Variants in RBFOX2 observed in about 807,000 individuals in gnomAD.
RBFOX2 encodes RNA binding protein fox-1 homolog 2.
A neutral mutation model predicts 49.1 loss-of-function variants in RBFOX2; 10 were observed. That is an observed-to-expected ratio of 0.20 (90% CI 0.13 to 0.35). The LOEUF (loss-of-function observed/expected upper bound fraction) is 0.35, where lower values mean the gene tolerates loss of function less well. Ranked by LOEUF, RBFOX2 falls within the 10% of genes least tolerant of loss-of-function variation. The pLI is 1.00. For missense variants in RBFOX2, 323 were observed against 486.9 expected (o/e 0.66, Z 3.17); for synonymous variants, 183 against 187.4 (o/e 0.98, Z 0.19).
At chr22:35,831,062 G>A (rs921260024) in intron 1 of RBFOX2, among the ~76,000 whole-genome samples, 1 of 152,158 alleles carries the variant, frequency 6.6e-6, no homozygotes, top group African/African-American at 2.4e-5. Flanking sequence ...CTCTGAGTCA[G>A]GGATCAGCAA....
chr22:35,966,970 G>A (rs1414746418), intron 1 of RBFOX2, among the ~76,000 whole-genome samples: 1 of 150,388 alleles, frequency 6.6e-6, no homozygotes, highest in East Asian at 2.0e-4. Flanking sequence ...ATGGCATTAT[G>A]CGCAGTCAAC....
intron 1 of RBFOX2, among the ~76,000 whole-genome samples, chr22:35,957,635 T>C (rs985951591): frequency 2.6e-5 from 4 of 152,346 alleles, no homozygotes; most frequent in African/African-American, 9.6e-5. Context: ...TGATTGATAA[T>C]GGAAACTCAG....
rs117947631 is a variant in RBFOX2, at chr22:36,010,130, G to A, written c.186+18110C>T. 3.4e-3 allele frequency among the ~76,000 whole-genome samples: 522 copies of A among 152,172 alleles called. 4 individuals carry two copies. Among genetic ancestry groups the A allele is most frequent in the Admixed American group, 6.3e-3 (97 of 15,282 alleles). On this transcript the variant is annotated intron_variant, in intron 1 of 13. Coordinates refer to the RBFOX2 transcript ENST00000438146. ...CTGAGACCCACATCATTCCTGCTGG[G>A]TAGAATGCAGGCAGTATAGTTCCCA...
At chr22:36,005,086 C>T (rs553144694) in intron 1 of RBFOX2, among the ~76,000 whole-genome samples, 22 of 152,216 alleles carry the variant, frequency 1.4e-4, no homozygotes, top group African/African-American at 4.8e-4. Context: ...AGGAAGAAAA[C>T]GCATCCTGGC....
At chr22:35,924,634 T>C (rs865907343) in intron 1 of RBFOX2, among the ~76,000 whole-genome samples, 1 of 152,216 alleles carries the variant, frequency 6.6e-6, no homozygotes, top group African/African-American at 2.4e-5. Context: ...AGTTTTGCTT[T>C]TTCCCCCACT....
intron 2 of RBFOX2, among the ~76,000 whole-genome samples, chr22:35,786,312 A>C (rs1946376620): frequency 6.6e-6 from 1 of 152,232 alleles, no homozygotes; most frequent in Admixed American, 6.5e-5. Flanking sequence ...CTTGTTTTTA[A>C]GTATGAAATC....
intron 1 of RBFOX2, among the ~76,000 whole-genome samples, chr22:35,986,553 A>G (rs2057732923): frequency 1.3e-5 from 2 of 152,232 alleles, no homozygotes; most frequent in African/African-American, 4.8e-5. Context: ...ACTTGAAAGC[A>G]GACAATGTTT....
chr22:35,745,817 TG>T, intron 11 of RBFOX2, 105 bp downstream of exon 13: 1 of 1,132,484 alleles, frequency 8.8e-7, no homozygotes, highest in Non-Finnish European at 1.3e-6. Flanking sequence ...AATACCTTGA[TG>T]GTGGATGAAA....
intron 1 of RBFOX2, among the ~76,000 whole-genome samples, chr22:35,916,652 T>TTG (rs1569486056): frequency 6.6e-6 from 1 of 152,008 alleles, no homozygotes; most frequent in Non-Finnish European, 1.5e-5. Context: ...TCCCAACACT[T>TTG]TAAGAGGCTG....
At chr22:35,944,950 A>G (rs1476211926) in intron 1 of RBFOX2, among the ~76,000 whole-genome samples, 2 of 152,138 alleles carry the variant, frequency 1.3e-5, no homozygotes, top group Admixed American at 1.3e-4. Flanking sequence ...AAGAAAAACA[A>G]CAACGACAAC....
At chr22:35,886,074 T>C (rs569101587) in intron 1 of RBFOX2, among the ~76,000 whole-genome samples, 54 of 152,058 alleles carry the variant, frequency 3.6e-4, no homozygotes, top group African/African-American at 1.2e-3. Flanking sequence ...GCCAGGATGG[T>C]CTCGATCTCC....
intron 1 of RBFOX2, among the ~76,000 whole-genome samples, chr22:35,859,581 T>A (rs145835232): frequency 6.6e-6 from 1 of 152,312 alleles, no homozygotes; most frequent in Admixed American, 6.5e-5. Context: ...GAAGTATGGG[T>A]AATAACAGAG....
chr22:35,951,598 C>A (rs5756012), intron 1 of RBFOX2, among the ~76,000 whole-genome samples: 11,756 of 151,890 alleles, frequency 0.077, 471 homozygotes, highest in South Asian at 0.086. Context: ...TAGTCTCTCT[C>A]TCCTGGCTGG....
intron 4 of RBFOX2, among the ~76,000 whole-genome samples, chr22:35,774,058 T>C (rs1328336410): frequency 6.6e-6 from 1 of 152,112 alleles, no homozygotes; most frequent in Non-Finnish European, 1.5e-5. Flanking sequence ...AAACTATGTA[T>C]TTTTTTCTTT....
At chr22:35,949,759 C>A (rs1027165478) in intron 1 of RBFOX2, among the ~76,000 whole-genome samples, 2 of 152,056 alleles carry the variant, frequency 1.3e-5, no homozygotes, top group African/African-American at 4.8e-5. Flanking sequence ...TATAATTGGG[C>A]CATTTGCTTT....
chr22:35,956,522 C>T (rs5756014), intron 1 of RBFOX2, among the ~76,000 whole-genome samples: 11,540 of 152,018 alleles, frequency 0.076, 452 homozygotes, highest in South Asian at 0.086. Flanking sequence ...CCAGCACACC[C>T]GGCTAATTTT....
At position 35,834,444 on chromosome 22, in the gene RBFOX2, G is replaced by A. The variant is rs1052379552; in HGVS notation, c.27+5748C>T. Among the ~76,000 whole-genome samples, 3 of 152,186 alleles carry A rather than the reference G, an allele frequency of 2.0e-5. No individual in the cohort carries two copies. In the East Asian group the frequency reaches 5.8e-4, roughly 29 times the overall value. ...ACTGCTGACGAGGATCCTGATCTCA[G>A]GGAGCTTCTGTTTGGGGTCGGGGAG... On this transcript the variant is annotated intron_variant, in intron 1 of 11. Transcript: ENST00000405409.
At chr22:35,919,495 T>C (rs1434234830) in intron 1 of RBFOX2, among the ~76,000 whole-genome samples, 1 of 150,536 alleles carries the variant, frequency 6.6e-6, no homozygotes, top group East Asian at 2.0e-4. Flanking sequence ...ATCATGCTAC[T>C]GCACTCCAGC....
chr22:35,932,934 A>G (rs2052599722), intron 1 of RBFOX2, among the ~76,000 whole-genome samples: 3 of 152,228 alleles, frequency 2.0e-5, no homozygotes, highest in Admixed American at 6.5e-5. Context: ...AATTTAGATC[A>G]TAAGTTATTT....
Sources: gnomAD v4.1 joint callset for allele counts (sites outside exome capture counted in the v4.1 genomes callset) on GRCh38, gnomAD v4.1.1 for gene constraint, MANE v1.5 for transcripts, NCBI Gene and HGNC (gene_info 2026-07-23, HGNC 2026-07-21) for gene names.